Variants in CNTN5 observed in about 807,000 individuals in gnomAD.
CNTN5 encodes the protein contactin 5.
A neutral mutation model predicts 129.1 loss-of-function variants in CNTN5; 77 were observed. That is an observed-to-expected ratio of 0.60 (90% confidence interval 0.50 to 0.72). The LOEUF is 0.72. Among genes scored for constraint, CNTN5 ranks in the 30% least tolerant of loss-of-function variants. The pLI is 0.00. For missense variants in CNTN5, 1,478 were observed against 1,328.8 expected, an observed-to-expected ratio of 1.11 and a Z score of -1.75; for synonymous variants, 509 against 465.6, an observed-to-expected ratio of 1.09 and a Z score of -1.20.
chr11:99,109,223 A>G (rs114659652), intron 1 of CNTN5, among the ~76,000 whole-genome samples: 2,356 of 151,852 alleles, frequency 0.016, 68 homozygotes, highest in African/African-American at 0.053. Context: ...TATTAATCCA[A>G]TATAATATAT....
chr11:100,099,058 C>A (rs888112785), intron 13 of CNTN5, among the ~76,000 whole-genome samples: 5 of 151,928 alleles, frequency 3.3e-5, no homozygotes, highest in African/African-American at 1.2e-4. Context: ...TGGAAAAGAG[C>A]CTAGGTATAC....
intron 2 of CNTN5, among the ~76,000 whole-genome samples, chr11:99,511,759 C>T (rs925451317): frequency 1.4e-4 from 22 of 151,938 alleles, no homozygotes; most frequent in African/African-American, 5.3e-4. Flanking sequence ...TAGCATGGCA[C>T]ATGTATACAT....
At chr11:100,003,292 G>A (rs899481518) in intron 9 of CNTN5, among the ~76,000 whole-genome samples, 4 of 152,000 alleles carry the variant, frequency 2.6e-5, no homozygotes, top group Non-Finnish European at 5.9e-5. Flanking sequence ...GAGGTATTTG[G>A]GCAGATATCT....
At chr11:99,351,678 A>G (rs765375124) in intron 2 of CNTN5, among the ~76,000 whole-genome samples, 31 of 152,230 alleles carry the variant, frequency 2.0e-4, no homozygotes, top group Admixed American at 5.2e-4. Flanking sequence ...GATTTCCCAA[A>G]TTGATTGGAA....
chr11:99,215,168 A>C (rs1179331460), intron 1 of CNTN5, among the ~76,000 whole-genome samples: 6 of 152,170 alleles, frequency 3.9e-5, no homozygotes, highest in African/African-American at 1.4e-4. Flanking sequence ...TTTTAGGCTT[A>C]TCTTCTCAGT....
intron 13 of CNTN5, among the ~76,000 whole-genome samples, chr11:100,105,821 T>G (rs1002632011): frequency 2.0e-5 from 3 of 152,128 alleles, no homozygotes; most frequent in African/African-American, 7.2e-5. Context: ...TGCCCAAGGC[T>G]CCATGCAGCA....
chr11:100,062,616 G>A (rs1464525665), intron 10 of CNTN5, among the ~76,000 whole-genome samples: 1 of 152,208 alleles, frequency 6.6e-6, no homozygotes, highest in African/African-American at 2.4e-5. Flanking sequence ...GAAGAGGACT[G>A]TGGGAATGCA....
chr11:99,927,499 TG>T (rs1454233217), intron 7 of CNTN5, among the ~76,000 whole-genome samples: 2 of 152,260 alleles, frequency 1.3e-5, no homozygotes, highest in African/African-American at 2.4e-5. Flanking sequence ...TCTGCAGGGC[TG>T]GGGGCCTCAG....
intron 7 of CNTN5, among the ~76,000 whole-genome samples, chr11:99,949,396 T>A (rs1300380392): frequency 1.3e-5 from 2 of 152,164 alleles, no homozygotes; most frequent in African/African-American, 2.4e-5. Flanking sequence ...ACAAATTTGA[T>A]AAGCACATTA....
intron 18 of CNTN5, among the ~76,000 whole-genome samples, chr11:100,292,675 A>G (rs189960382): frequency 7.4e-4 from 112 of 152,062 alleles, no homozygotes; most frequent in Middle Eastern, 3.4e-3. Flanking sequence ...GGGAGATGCC[A>G]TAGCAAATCC....
intron 1 of CNTN5, among the ~76,000 whole-genome samples, chr11:99,315,875 G>T (rs10501906): frequency 0.38 from 56,261 of 148,244 alleles, 13,304 homozygotes; most frequent in Middle Eastern, 0.46. Context: ...CTTAGCAAGA[G>T]TTGAATGATA....
At chr11:99,513,770 C>A (rs1479800898) in intron 2 of CNTN5, among the ~76,000 whole-genome samples, 1 of 151,934 alleles carries the variant, frequency 6.6e-6, no homozygotes, top group Non-Finnish European at 1.5e-5. Context: ...TTACCATTCA[C>A]TGACAAAGCA....
intron 3 of CNTN5, among the ~76,000 whole-genome samples, chr11:99,809,141 A>G (rs1190883376): frequency 6.6e-6 from 1 of 151,944 alleles, no homozygotes; most frequent in African/African-American, 2.4e-5. Flanking sequence ...ATTTTTGTTT[A>G]CTCTATGGGG....
At chr11:99,896,770 C>T (rs1429531593) in intron 6 of CNTN5, among the ~76,000 whole-genome samples, 1 of 152,180 alleles carries the variant, frequency 6.6e-6, no homozygotes, top group Non-Finnish European at 1.5e-5. Context: ...GAGGTTCAAG[C>T]ACACAACATG....
At chr11:100,247,391 T>C (rs1270351066) in intron 16 of CNTN5, among the ~76,000 whole-genome samples, 1 of 152,202 alleles carries the variant, frequency 6.6e-6, no homozygotes, top group Non-Finnish European at 1.5e-5. Flanking sequence ...ATTTCCATTC[T>C]TGACTACCCC....
intron 2 of CNTN5, among the ~76,000 whole-genome samples, chr11:99,400,944 A>C (rs1412479660): frequency 2.0e-5 from 3 of 152,112 alleles, no homozygotes; most frequent in African/African-American, 7.2e-5. Context: ...TTTTTCCTAT[A>C]GAGTTGTTTG....
intron 15 of CNTN5, among the ~76,000 whole-genome samples, chr11:100,203,955 C>T (rs1450800964): frequency 6.6e-6 from 1 of 151,630 alleles, no homozygotes; most frequent in Admixed American, 6.6e-5. Context: ...CATGCTGACC[C>T]ACTGCCAAGA....
At chr11:99,840,716 G>T (rs765481256) in intron 4 of CNTN5, among the ~76,000 whole-genome samples, 3 of 152,076 alleles carry the variant, frequency 2.0e-5, no homozygotes, top group Non-Finnish European at 4.4e-5. Flanking sequence ...CAAATGTGTC[G>T]AAGGCTTCTA....
In CNTN5 at chr11:100,100,323, C is replaced by T. The variant is rs185872877; in HGVS notation, c.1580+26029C>T. Among the ~76,000 whole-genome samples, 4 of 152,138 alleles carry T rather than the reference C, an allele frequency of 2.6e-5. No individual in the cohort carries two copies. The East Asian group carries it at 5.8e-4, about 22-fold the overall frequency. On this transcript the variant is annotated intron_variant, in intron 13 of 24. Coordinates refer to ENST00000524871, the MANE Select transcript of CNTN5 (RefSeq NM_014361.4). ...CCAAACACATAATAGGTGCTCAGTG[C>T]ACTTCATGATTCATTGTTTTATCAT... is the stretch of plus-strand genomic sequence containing the variant.
Sources: gnomAD v4.1 joint callset for allele counts (sites outside exome capture counted in the v4.1 genomes callset) on GRCh38, gnomAD v4.1.1 for gene constraint, MANE v1.5 for transcripts, NCBI Gene and HGNC (gene_info 2026-07-23, HGNC 2026-07-21) for gene names.